Variants in MYO18B observed in about 807,000 individuals in gnomAD.
MYO18B encodes the protein myosin XVIIIB.
In MYO18B, 204 loss-of-function variants were observed where a neutral mutation model predicts 273.0. The observed-to-expected ratio is 0.75, with a 90% CI of 0.67 to 0.84. The LOEUF (loss-of-function observed/expected upper bound fraction) is 0.84. MYO18B is among the 40% of genes least tolerant of loss of function. The pLI, the probability that MYO18B is intolerant of heterozygous loss-of-function variation, is 0.00. For synonymous variants in MYO18B, 1,330 were observed against 1,305.7 expected (o/e 1.02, Z -0.40); for missense variants, 3,212 against 3,287.6 (o/e 0.98, Z 0.56).
chr22:25,952,274 T>G lies in MYO18B; in HGVS notation c.5833-12T>G. The G allele has an allele frequency of 1.2e-6, 2 of 1,607,116 alleles. No homozygotes were observed. Among genetic ancestry groups the G allele is most frequent in the Non-Finnish European group, 1.7e-6 (2 of 1,177,274 alleles). On this transcript the variant is annotated splice_polypyrimidine_tract_variant and intron_variant, in intron 37 of 43. Transcript: ENST00000335473. ...ACAACAGATGTCCAATAGACTTCTC[T>G]CATACTTACAGCTGCAGGTGGCTCA...
At chr22:25,801,303 A>G (rs180934906) in intron 12 of MYO18B, among the ~76,000 whole-genome samples, 5 of 152,332 alleles carry the variant, frequency 3.3e-5, no homozygotes, top group African/African-American at 4.8e-5. Flanking sequence ...AGCAATGACA[A>G]TCACCACTAA....
At chr22:25,856,211 T>C (rs2090569245) in intron 21 of MYO18B, among the ~76,000 whole-genome samples, 1 of 152,228 alleles carries the variant, frequency 6.6e-6, no homozygotes, top group Admixed American at 6.5e-5. Flanking sequence ...ATTTCTTGTT[T>C]TGTTTTTTTG....
intron 39 of MYO18B, chr22:25,964,084 T>TA (rs1297427596): frequency 2.0e-5 from 3 of 152,206 alleles, no homozygotes; most frequent in Admixed American, 6.5e-5. Context: ...GGTTTGGAGA[T>TA]ATACCCTTGA....
intron 1 of MYO18B, among the ~76,000 whole-genome samples, chr22:25,759,187 T>C (rs772420893): frequency 3.3e-5 from 5 of 152,124 alleles, no homozygotes; most frequent in Non-Finnish European, 5.9e-5. Context: ...TAAAAACAAA[T>C]ACCCAAAGGA....
chr22:25,913,223 T>G (rs2092193954), intron 33 of MYO18B, among the ~76,000 whole-genome samples: 1 of 152,168 alleles, frequency 6.6e-6, no homozygotes, highest in South Asian at 2.1e-4. Flanking sequence ...GTGTCTGAAA[T>G]TTTACTTCTT....
rs536150210 is a variant in MYO18B, at chr22:25,762,064, A to G, written c.39+933A>G. ...GGTTGCAGTGAGCCAAGATCGCGCCATTGCACTCCAGCCCGAGCGACAGTG... is the reference window on the plus strand; with the variant it reads ...GGTTGCAGTGAGCCAAGATCGCGCCGTTGCACTCCAGCCCGAGCGACAGTG... On this transcript the variant is annotated intron_variant, in intron 2 of 43. Transcript: ENST00000335473. Among the ~76,000 whole-genome samples the G allele has an allele frequency of 2.6e-5, 4 of 151,946 alleles. No individual in the cohort carries two copies. The South Asian group carries it at 8.4e-4, about 32-fold the overall frequency.
intron 29 of MYO18B, among the ~76,000 whole-genome samples, chr22:25,900,070 C>T (rs2091900928): frequency 6.6e-6 from 1 of 152,136 alleles, no homozygotes; most frequent in Non-Finnish European, 1.5e-5. Context: ...CTGGTCTTTC[C>T]TTTTCCCTTT....
chr22:25,773,547 G>T (rs1421902692), intron 7 of MYO18B, among the ~76,000 whole-genome samples: 1 of 152,014 alleles, frequency 6.6e-6, no homozygotes, highest in African/African-American at 2.4e-5. Context: ...CACTGCAAGC[G>T]CCGCCTCCCG....
chr22:25,777,531 C>T, intron 7 of MYO18B, 52 bp from the exon 8 acceptor site: 1 of 1,506,674 alleles, frequency 6.6e-7, no homozygotes, highest in Non-Finnish European at 8.9e-7. Context: ...TCTTAGAATG[C>T]TCCCTAGGCA....
At chr22:25,769,723 TATG>T (rs1285569267) in intron 4 of MYO18B, among the ~76,000 whole-genome samples, 2 of 152,144 alleles carry the variant, frequency 1.3e-5, no homozygotes, top group East Asian at 1.9e-4. Context: ...AGAGCTTGCT[TATG>T]ATGTCACACG....
chr22:25,832,087 A>T (rs2089727980), intron 15 of MYO18B, among the ~76,000 whole-genome samples: 1 of 152,204 alleles, frequency 6.6e-6, no homozygotes, highest in Admixed American at 6.5e-5. Flanking sequence ...GGCTACTATT[A>T]AAAAAAATCA....
intron 12 of MYO18B, among the ~76,000 whole-genome samples, chr22:25,811,684 C>G (rs2088768217): frequency 6.6e-6 from 1 of 152,318 alleles, no homozygotes; most frequent in African/African-American, 2.4e-5. Context: ...AGTGATATTC[C>G]TGATTCTCTT....
chr22:25,846,377 C>T, intron 19 of MYO18B, 94 bp downstream of exon 19: 1 of 1,402,984 alleles, frequency 7.1e-7, no homozygotes, highest in Non-Finnish European at 9.7e-7. Context: ...CATCTCTAAC[C>T]TCCCCAGCAA....
chr22:25,876,002 C>CTGTG (rs2091180354), intron 23 of MYO18B, among the ~76,000 whole-genome samples, 187 bp from the exon 24 acceptor site: 1 of 120,496 alleles, frequency 8.3e-6, no homozygotes, highest in Non-Finnish European at 1.7e-5. Flanking sequence ...GAAAGGAAGC[C>CTGTG]CGTGTGTGTG....
chr22:25,904,426 T>C (rs570049282), intron 31 of MYO18B, among the ~76,000 whole-genome samples: 2 of 152,308 alleles, frequency 1.3e-5, no homozygotes, highest in African/African-American at 4.8e-5. Context: ...ATCCCCACTT[T>C]ACGGATGTAG....
At chr22:25,985,530 T>C (rs1006309209) in intron 39 of MYO18B, among the ~76,000 whole-genome samples, 6 of 152,204 alleles carry the variant, frequency 3.9e-5, no homozygotes, top group Admixed American at 3.9e-4. Flanking sequence ...TCCAACTCTT[T>C]CCTTTCCCAA....
intron 39 of MYO18B, among the ~76,000 whole-genome samples, chr22:25,973,392 C>T (rs9306419): frequency 0.27 from 40,413 of 152,116 alleles, 7,294 homozygotes; most frequent in African/African-American, 0.5. Context: ...ATATAGAACA[C>T]AGAACGTAGG....
At chr22:25,935,971 C>T (rs938923981) in intron 34 of MYO18B, among the ~76,000 whole-genome samples, 2 of 152,196 alleles carry the variant, frequency 1.3e-5, no homozygotes, top group Non-Finnish European at 2.9e-5. Context: ...GCTGAGCTCA[C>T]GTGTCTGCCT....
At chr22:26,010,911 T>A (rs1324440953) in intron 42 of MYO18B, among the ~76,000 whole-genome samples, 1 of 151,936 alleles carries the variant, frequency 6.6e-6, no homozygotes, top group African/African-American at 2.4e-5. Context: ...CCAAAGAGAA[T>A]TGTCCAGAAG....
Sources: allele counts gnomAD v4.1 joint callset (sites outside exome capture counted in the v4.1 genomes callset), GRCh38; gene constraint gnomAD v4.1.1; transcripts MANE v1.5; gene names NCBI Gene and HGNC (gene_info 2026-07-23, HGNC 2026-07-21).